IL20RA: variants seen among roughly 807,000 people sequenced by gnomAD.
IL20RA encodes interleukin-20 receptor subunit alpha.
IL20RA carries 29 observed loss-of-function variants against 36.5 expected under a neutral mutation model. The observed-to-expected ratio is 0.79, with a 90% CI of 0.59 to 1.08. IL20RA has a LOEUF of 1.08. Ranked by LOEUF, IL20RA falls within the 50% of genes least tolerant of loss-of-function variation. The pLI, the probability that IL20RA is intolerant of heterozygous loss-of-function variation, is 0.00. For missense variants in IL20RA, 652 were observed against 668.4 expected (o/e 0.98, Z 0.27); for synonymous variants, 279 against 267.1 (o/e 1.04, Z -0.43).
intron 1 of IL20RA, among the ~76,000 whole-genome samples, chr6:137,040,742 C>T (rs1406506015): frequency 6.6e-6 from 1 of 152,060 alleles, no homozygotes; most frequent in African/African-American, 2.4e-5. Context: ...AATGATGACC[C>T]TTCCTTGTAA....
chr6:137,010,380 A>T (rs1775443483), intron 3 of IL20RA, among the ~76,000 whole-genome samples: 1 of 152,274 alleles, frequency 6.6e-6, no homozygotes, highest in Non-Finnish European at 1.5e-5. Context: ...ATAGACATCA[A>T]CATTTCAATT....
rs765290767 is a variant in IL20RA, at chr6:137,008,579, A to G, written c.724+20T>C. The stretch of plus-strand genomic sequence containing the variant: ...TAGCAGATCTCCTTCCTAGACCAGC[A>G]AAGATTTTTTAAAGCTTACCTTTCA... On this transcript the variant is annotated intron_variant, in intron 5 of 6. Coordinates refer to ENST00000316649, the MANE Select transcript of IL20RA (RefSeq NM_014432.4). The G allele has an allele frequency of 5.1e-6, 8 of 1,577,100 alleles. No homozygotes were observed. The highest frequency in any genetic ancestry group is 6.9e-6 in the Non-Finnish European group (8 of 1,162,280).
intron 1 of IL20RA, among the ~76,000 whole-genome samples, chr6:137,032,809 G>A (rs1019166138): frequency 6.6e-5 from 10 of 152,036 alleles, no homozygotes; most frequent in African/African-American, 1.7e-4. Flanking sequence ...GACTAGGATC[G>A]GACCTCTTCA....
In IL20RA at chr6:137,039,482, C is replaced by T. The variant is rs185134924; in HGVS notation, c.88+5159G>A. Among the ~76,000 whole-genome samples the T allele has an allele frequency of 7.8e-4, 118 of 152,228 alleles. 1 individual carries two copies. The highest frequency in any genetic ancestry group is 4.1e-4 in the Non-Finnish European group (28 of 68,030). ...TTTTTTGATAAAAAGAACACTTGAGCGAGCAAATCCTCCATTAGCTGCAGT... is the reference window on the plus strand; with the variant it reads ...TTTTTTGATAAAAAGAACACTTGAGTGAGCAAATCCTCCATTAGCTGCAGT... On this transcript the variant is annotated intron_variant, in intron 1 of 6. Transcript: ENST00000316649.
At chr6:137,015,452 AT>A (rs1353441717) in intron 2 of IL20RA, among the ~76,000 whole-genome samples, 3 of 152,074 alleles carry the variant, frequency 2.0e-5, no homozygotes, top group African/African-American at 7.2e-5. Context: ...ATTTATTTTA[AT>A]TCTTCCTTAC....
chr6:137,025,178 T>A (rs888309107), intron 1 of IL20RA, among the ~76,000 whole-genome samples: 1 of 152,142 alleles, frequency 6.6e-6, no homozygotes, highest in African/African-American at 2.4e-5. Context: ...CTCCTCCCCA[T>A]CAAAACATTC....
Position 137,044,848 on chromosome 6 carries a change from A to C in IL20RA, c.-120T>G, listed in dbSNP as rs1582847456. The C allele has an allele frequency of 2.1e-6, 2 of 947,590 alleles. No individual in the cohort carries two copies. Among genetic ancestry groups the C allele is most frequent in the Non-Finnish European group, 2.7e-6 (2 of 740,754 alleles). 58.7% of individuals were successfully genotyped at this position (947,590 alleles called of 1,614,324 possible). Reference sequence around the variant, plus strand: ...CCTGGGGCTCTGCGTGCCACGCTCCAGGCGACCTGAGTCCCAGGGCGCCTC... The same window carrying C: ...CCTGGGGCTCTGCGTGCCACGCTCCCGGCGACCTGAGTCCCAGGGCGCCTC... On this transcript the variant is annotated 5_prime_UTR_variant, in exon 1 of 7. Coordinates refer to ENST00000316649, the MANE Select transcript of IL20RA (RefSeq NM_014432.4).
chr6:137,004,688 A>C lies in IL20RA; in HGVS notation c.797T>G (p.Phe266Cys), dbSNP rs150022802. ...GTAGATGGAATAGCCCATCACAGAAAAAAGAAACACGGTAATAGATACGGG... is the reference window on the plus strand; with the variant it reads ...GTAGATGGAATAGCCCATCACAGAACAAAGAAACACGGTAATAGATACGGG... ...VLPVSITVFL[F>C]SVMGYSIYRY... Residue 266 changes from phenylalanine to cysteine, a missense_variant, in exon 6 of 7, where the codon TTT (phenylalanine) becomes TGT (cysteine). Physicochemically the swap from Phe to Cys is radical, Grantham distance 205. Coordinates refer to ENST00000316649, the MANE Select transcript of IL20RA (RefSeq NM_014432.4). 40 of 1,613,086 alleles carry C rather than the reference A, an allele frequency of 2.5e-5. No individual in the cohort carries two copies. In the African/African-American group the frequency reaches 4.4e-4, roughly 18 times the overall value.
At chr6:137,018,239 T>C (rs1775772316) in intron 1 of IL20RA, among the ~76,000 whole-genome samples, 1 of 152,224 alleles carries the variant, frequency 6.6e-6, no homozygotes, top group Non-Finnish European at 1.5e-5. Context: ...GAATTATGTG[T>C]GAGGTAATCC....
At chr6:137,016,343 C>T (rs969518735) in intron 2 of IL20RA, among the ~76,000 whole-genome samples, 2 of 152,222 alleles carry the variant, frequency 1.3e-5, no homozygotes, top group Admixed American at 1.3e-4. Context: ...CACTGTGATA[C>T]TTATTTTGTG....
intron 1 of IL20RA, among the ~76,000 whole-genome samples, chr6:137,026,888 T>TG (rs1776106715): frequency 6.8e-6 from 1 of 147,052 alleles, no homozygotes; most frequent in Admixed American, 6.8e-5. Flanking sequence ...GTAAGTCTTC[T>TG]TTTTTTTTTT....
At chr6:137,010,764 T>C (rs1033837927) in intron 3 of IL20RA, among the ~76,000 whole-genome samples, 2 of 152,182 alleles carry the variant, frequency 1.3e-5, no homozygotes, top group Non-Finnish European at 2.9e-5. Context: ...GTTTAATCAA[T>C]CTTGTGGAGA....
At chr6:137,025,770 G>C (rs1776064558) in intron 1 of IL20RA, among the ~76,000 whole-genome samples, 1 of 152,198 alleles carries the variant, frequency 6.6e-6, no homozygotes, top group African/African-American at 2.4e-5. Flanking sequence ...GTGAATACTA[G>C]GGTTGCCATC....
intron 5 of IL20RA, among the ~76,000 whole-genome samples, chr6:137,007,280 G>A (rs760122596): frequency 6.6e-6 from 1 of 152,184 alleles, no homozygotes; most frequent in Non-Finnish European, 1.5e-5. Context: ...CATTGTAAAA[G>A]AAAAGCTATG....
At chr6:137,021,100 G>C (rs1775887242) in intron 1 of IL20RA, among the ~76,000 whole-genome samples, 3 of 150,828 alleles carry the variant, frequency 2.0e-5, no homozygotes, top group Admixed American at 2.0e-4. Context: ...TCTTTCCTTA[G>C]ATCAGGCAAA....
chr6:137,032,459 G>A (rs150360678), intron 1 of IL20RA, among the ~76,000 whole-genome samples: 1 of 152,320 alleles, frequency 6.6e-6, no homozygotes, highest in East Asian at 1.9e-4. Context: ...CTTGCCCACA[G>A]AGGGCAGTGG....
chr6:137,005,211 T>C (rs984664091), intron 5 of IL20RA, among the ~76,000 whole-genome samples: 5 of 152,260 alleles, frequency 3.3e-5, no homozygotes, highest in Non-Finnish European at 5.9e-5. Context: ...TCAATCTTTC[T>C]GCATGTTCAC....
intron 1 of IL20RA, among the ~76,000 whole-genome samples, chr6:137,019,143 TTG>T (rs1238398366): frequency 1.3e-5 from 2 of 151,870 alleles, no homozygotes; most frequent in African/African-American, 2.4e-5. Context: ...TTTTTTTTTT[TTG>T]AGACAGAGTC....
At position 137,001,873 on chromosome 6, in the gene IL20RA, T is replaced by C; in HGVS notation, c.1347A>G (p.Ser449=). 6.2e-7 allele frequency: 1 copy of C among 1,613,774 alleles called. No homozygotes were observed. The highest frequency in any genetic ancestry group is 8.5e-7 in the Non-Finnish European group (1 of 1,179,856). ...AVLGPQTLQY[S]YTPQLQDLDP... is the part of the protein sequence containing the mutation. ...CTAAGTCTTGGAGCTGAGGGGTGTATGAGTACTGTAACGTTTGCGGGCCCA... is the reference window on the plus strand; with the variant it reads ...CTAAGTCTTGGAGCTGAGGGGTGTACGAGTACTGTAACGTTTGCGGGCCCA... The change falls in exon 7 of 7, where the codon TCA becomes TCG. Residue 449 remains serine, a synonymous_variant. Transcript: ENST00000316649.
Sources: gnomAD v4.1 joint callset for allele counts (sites outside exome capture counted in the v4.1 genomes callset) on GRCh38, gnomAD v4.1.1 for gene constraint, MANE v1.5 for transcripts, NCBI Gene and HGNC (gene_info 2026-07-23, HGNC 2026-07-21) for gene names.